Variants in SLC17A1 observed in about 807,000 individuals in gnomAD.
SLC17A1 encodes the protein solute carrier family 17 member 1.
A neutral mutation model predicts 53.5 loss-of-function variants in SLC17A1; 51 were observed. The observed-to-expected ratio is 0.95, with a 90% CI of 0.76 to 1.20. SLC17A1 has a LOEUF of 1.20. Among genes scored for constraint, SLC17A1 ranks in the 50% most tolerant of loss-of-function variants. SLC17A1 has a pLI of 0.00. For missense variants in SLC17A1, 538 were observed against 568.2 expected (o/e 0.95, Z 0.54); for synonymous variants, 179 against 198.8 (o/e 0.90, Z 0.84).
chr6:25,769,251 T>C, the SLC17A1 span: 135 of 1,448,104 alleles, frequency 9.3e-5, 2 homozygotes, highest in Admixed American at 3.1e-4. Context: ...TAAAGAGTTA[T>C]AAAAGAGTGA....
At chr6:25,732,641 C>G in the SLC17A1 span, 7 of 1,253,940 alleles carry the variant, frequency 5.6e-6, no homozygotes, top group South Asian at 2.4e-5. Context: ...CGGGCAACGC[C>G]GTCGGAACAA....
the SLC17A1 span, chr6:25,732,074 G>A: frequency 6.0e-6 from 7 of 1,174,932 alleles, no homozygotes; most frequent in African/African-American, 6.3e-5. Flanking sequence ...GGCATCTCTT[G>A]CGCTTTTTGT....
At chr6:25,724,283 G>A in the SLC17A1 span, among the ~76,000 whole-genome samples, 21 of 152,224 alleles carry the variant, frequency 1.4e-4, no homozygotes, top group Non-Finnish European at 3.1e-4. Context: ...AGTTAGCTGG[G>A]CGTGGGGCAG....
the SLC17A1 span, among the ~76,000 whole-genome samples, chr6:25,769,663 C>A: frequency 6.6e-6 from 1 of 152,052 alleles, no homozygotes; most frequent in African/African-American, 2.4e-5. Flanking sequence ...TAACCAGGGA[C>A]TAAGTTAGAA....
chr6:25,777,721 C>G, the SLC17A1 span: 32 of 529,644 alleles, frequency 6.0e-5, no homozygotes, highest in Middle Eastern at 8.2e-4. Flanking sequence ...CAGGATTATA[C>G]TAATCATTGG....
At chr6:25,821,347 ACT>A (rs1266268431) in intron 3 of SLC17A1, among the ~76,000 whole-genome samples, 2 of 152,040 alleles carry the variant, frequency 1.3e-5, no homozygotes, top group African/African-American at 4.8e-5. Context: ...GGTAGGAGTG[ACT>A]CTCTGAGAAT....
chr6:25,791,370 A>G (rs1024951803), intron 12 of SLC17A1, among the ~76,000 whole-genome samples: 1 of 152,240 alleles, frequency 6.6e-6, no homozygotes, highest in African/African-American at 2.4e-5. Flanking sequence ...ATTTACAAAT[A>G]TTAAAATTTA....
At chr6:25,780,380 C>T (rs187154356), downstream of SLC17A1, 4 of 152,196 alleles carry the variant, frequency 2.6e-5, no homozygotes, top group East Asian at 7.7e-4. Context: ...ATGATAAGTG[C>T]ACTAATCTGA....
intron 6 of SLC17A1, among the ~76,000 whole-genome samples, chr6:25,815,927 T>C (rs1178490461): frequency 1.2e-4 from 16 of 138,312 alleles, no homozygotes; most frequent in South Asian, 4.5e-4. Context: ...TTTTTTTTTT[T>C]TTGCCACTTC....
chr6:25,769,585 A>AAAGT, the SLC17A1 span, among the ~76,000 whole-genome samples: 1 of 151,900 alleles, frequency 6.6e-6, no homozygotes, highest in Non-Finnish European at 1.5e-5. Context: ...AGAAAGAAAG[A>AAAGT]AAAGAAAGGA....
the SLC17A1 span, among the ~76,000 whole-genome samples, chr6:25,764,366 C>T: frequency 6.6e-6 from 1 of 152,136 alleles, no homozygotes; most frequent in Non-Finnish European, 1.5e-5. Flanking sequence ...GATATACTGC[C>T]CCCCACCATG....
At chr6:25,775,160 G>A in the SLC17A1 span, among the ~76,000 whole-genome samples, 1 of 151,858 alleles carries the variant, frequency 6.6e-6, no homozygotes, top group Non-Finnish European at 1.5e-5. Context: ...TGAACCCCCT[G>A]TCTCTACTAA....
chr6:25,756,643 T>C, the SLC17A1 span, among the ~76,000 whole-genome samples: 1 of 152,150 alleles, frequency 6.6e-6, no homozygotes, highest in South Asian at 2.1e-4. Context: ...AGCAAAACCA[T>C]TATCGCCTGT....
At chr6:25,814,951 A>T (rs1165194) in intron 6 of SLC17A1, among the ~76,000 whole-genome samples, 8,212 of 150,190 alleles carry the variant, frequency 0.055, 617 homozygotes, top group African/African-American at 0.17. Flanking sequence ...CTGCCATTGC[A>T]CTCCAGGCTG....
At chr6:25,727,254 G>A in the SLC17A1 span, 1 of 1,610,972 alleles carries the variant, frequency 6.2e-7, no homozygotes, top group Non-Finnish European at 8.5e-7. Context: ...TGTGTCTGAG[G>A]GCACCAAGGC....
At chr6:25,819,017 A>C (rs368193301) in intron 6 of SLC17A1, 51 bp downstream of exon 6, 10 of 1,288,162 alleles carry the variant, frequency 7.8e-6, no homozygotes, top group Non-Finnish European at 1.1e-5. Flanking sequence ...TTAATGTTTA[A>C]ATTTTTTTAG....
intron 10 of SLC17A1, among the ~76,000 whole-genome samples, chr6:25,801,227 T>C (rs1420539717): frequency 6.6e-6 from 1 of 152,154 alleles, no homozygotes; most frequent in Non-Finnish European, 1.5e-5. Context: ...ATATTTAGAG[T>C]GAAACCCAGT....
rs368082126 is a variant in SLC17A1, at chr6:25,812,824, T to C, written c.897+7A>G. 6.9e-6 allele frequency: 11 copies of C among 1,591,596 alleles called. No homozygotes were observed. In the African/African-American group the frequency reaches 1.4e-4, roughly 20 times the overall value. ...AAGTTAAAAAAAAGAACAAATAGTA[T>C]ACTTACCTCTTTTATATTAACATGA... On this transcript the variant is annotated splice_region_variant and intron_variant, in intron 8 of 12. Transcript: ENST00000244527.
intron 12 of SLC17A1, among the ~76,000 whole-genome samples, chr6:25,788,040 G>A (rs1036730926): frequency 2.0e-5 from 3 of 152,112 alleles, no homozygotes; most frequent in African/African-American, 7.2e-5. Flanking sequence ...TGAATCTGGT[G>A]GTTCTGTAAC....
Sources: allele counts gnomAD v4.1 joint callset (sites outside exome capture counted in the v4.1 genomes callset), GRCh38; gene constraint gnomAD v4.1.1; transcripts MANE v1.5; gene names NCBI Gene and HGNC (gene_info 2026-07-23, HGNC 2026-07-21).